Variants in PLCB3 observed in about 807,000 individuals in gnomAD.
PLCB3 encodes the protein 1-phosphatidylinositol 4,5-bisphosphate phosphodiesterase beta-3.
Under a neutral mutation model 152.1 loss-of-function variants are expected in PLCB3, and 54 were observed. The observed-to-expected ratio is 0.36, with a 90% CI of 0.29 to 0.45. PLCB3 has a LOEUF of 0.45. PLCB3 is among the 20% of genes least tolerant of loss of function. The probability of loss-of-function intolerance (pLI) is 1.00; values close to 1 mark genes in which losing one functional copy is unlikely to be tolerated. For missense variants in PLCB3, 1,248 were observed against 1,687.5 expected (o/e 0.74, Z 4.56); for synonymous variants, 717 against 698.7 (o/e 1.03, Z -0.41).
rs778833109 is a variant in PLCB3 at position 64,264,017 on chromosome 11, C to T, written c.2561-4C>T. 2 of 1,570,632 alleles carry T rather than the reference C, an allele frequency of 1.3e-6. No homozygotes were observed. The highest frequency in any genetic ancestry group is 1.9e-5 in the Admixed American group (1 of 52,944). ...TGAGACCTTGGCCTTCTGCCTCCCC[C>T]CAGACTATGCGGAGGCCCTGATCAA... On this transcript the variant is annotated splice_polypyrimidine_tract_variant and splice_region_variant and intron_variant, in intron 21 of 30. Coordinates refer to ENST00000279230, the MANE Select transcript of PLCB3 (RefSeq NM_000932.5).
Position 64,265,212 on chromosome 11 carries a change from G to A in PLCB3, c.2827G>A (p.Ala943Thr), listed in dbSNP as rs1238246666. The change falls in exon 24 of 31, where the codon GCC (alanine) becomes ACC (threonine). Residue 943 changes from alanine to threonine, a missense_variant. Physicochemically the swap from Ala to Thr is moderately conservative, Grantham distance 58. This residue lies in a region of PLCB3 where 477 missense variants were observed against 489.6 expected (regional missense o/e 0.97). Transcript: ENST00000279230. The stretch of plus-strand genomic sequence containing the variant: ...CCCAGGGCAGCGTGATGATCTCATC[G>A]CCAGCATCCTCTCAGGTAGGGGGCG... Reference protein sequence around the residue: ...SSPGQRDDLIASILSEVAPTP... With the variant: ...SSPGQRDDLITSILSEVAPTP... 1.3e-6 allele frequency: 2 copies of A among 1,599,588 alleles called. No homozygotes were observed. Among genetic ancestry groups the A allele is most frequent in the African/African-American group, 1.3e-5 (1 of 74,694 alleles).
intron 19 of PLCB3, 152 bp downstream of exon 19, chr11:64,262,960 G>A (rs1227304323): frequency 4.0e-6 from 3 of 746,636 alleles, no homozygotes; most frequent in East Asian, 2.7e-5. Context: ...CTGCCTGTCC[G>A]AGCGTCAGTC....
At position 64,265,900 on chromosome 11, in the gene PLCB3, A is replaced by G. The variant is rs1222486691; in HGVS notation, c.3050A>G (p.Asp1017Gly). ...TCTCCTCGCAGAGGTGGGGCCGCTG[A>G]TGTGGAGGACACGAAGGAGGGGGAG... ...LRPGALGGAADVEDTKEGEDE... is the reference protein window; with the variant it reads ...LRPGALGGAAGVEDTKEGEDE... Residue 1017 changes from aspartate (D) to glycine (G), a missense_variant, in exon 26 of 31, where the codon GAT (aspartate) becomes GGT (glycine). Coordinates refer to ENST00000279230, the MANE Select transcript of PLCB3 (RefSeq NM_000932.5). The G allele has an allele frequency of 1.2e-6, 2 of 1,612,948 alleles. No homozygotes were observed. Among genetic ancestry groups the G allele is most frequent in the South Asian group, 2.2e-5 (2 of 91,020 alleles).
Position 64,265,123 on chromosome 11 carries a change from C to A in PLCB3, c.2806+19C>A. The A allele has an allele frequency of 6.7e-7, 1 of 1,500,782 alleles. No homozygotes were observed. The highest frequency in any genetic ancestry group is 9.0e-7 in the Non-Finnish European group (1 of 1,115,258). 93.0% of individuals were successfully genotyped at this position (1,500,782 alleles called of 1,614,324 possible). ...AGCCCAGGTAAGGAGTGGCCTGGGTCGGGGGTGGGCTGCAGGGAGGCACCC... is the reference window on the plus strand; with the variant it reads ...AGCCCAGGTAAGGAGTGGCCTGGGTAGGGGGTGGGCTGCAGGGAGGCACCC... On this transcript the variant is annotated intron_variant, in intron 23 of 30. Transcript: ENST00000279230.
rs771872374 is a variant in PLCB3 at position 64,257,016 on chromosome 11, T to TTTTTTTTTTTTTTTTTTTTTTTTTC, written c.1012+257_1012+258insTTTTTTTTTTTTTTTTTTTCTTTTT. Among the ~76,000 whole-genome samples, 33 of 120,678 alleles carry TTTTTTTTTTTTTTTTTTTTTTTTTC rather than the reference T, an allele frequency of 2.7e-4. 1 individual carries two copies. The highest frequency in any genetic ancestry group is 1.2e-3 in the East Asian group (5 of 4,222). The allele number at this position is 120,678 out of a possible 152,430, so 79.2% of individuals were successfully genotyped here. On this transcript the variant is annotated intron_variant, in intron 10 of 30. Coordinates refer to ENST00000279230, the MANE Select transcript of PLCB3 (RefSeq NM_000932.5). ...AGGGTCCTTTTTTTTTTTTTTTTTT[T>TTTTTTTTTTTTTTTTTTTTTTTTTC]TTTTTGAGACAGAGTTTCGCTCTTG...
In PLCB3 at chr11:64,262,268, G is replaced by C. The variant is rs2031890075; in HGVS notation, c.2039-139G>C. On this transcript the variant is annotated intron_variant, in intron 17 of 30. Coordinates refer to ENST00000279230, the MANE Select transcript of PLCB3 (RefSeq NM_000932.5). ...ACCCCTCCCCTGTCTGATCTGTCCT[G>C]GATCCGGACCCTGATGCCATTTGAG... The C allele has an allele frequency of 8.5e-6, 11 of 1,295,880 alleles. No homozygotes were observed. In the East Asian group the frequency reaches 2.6e-4, roughly 30 times the overall value. The allele number at this position is 1,295,880 out of a possible 1,614,324, so 80.3% of individuals were successfully genotyped here. A position where few individuals can be genotyped will look rare whatever the true frequency, so the allele number is the denominator to read the frequency against.
In PLCB3 at chr11:64,255,091, C is replaced by T. The variant is rs2031447953; in HGVS notation, c.387+53C>T. The T allele has an allele frequency of 5.7e-6, 9 of 1,570,364 alleles. No individual in the cohort carries two copies. Among genetic ancestry groups the T allele is most frequent in the Non-Finnish European group, 7.8e-6 (9 of 1,148,796 alleles). Reference sequence around the variant, plus strand: ...GGAGTCACTGTCTTATTCTGTGAGTCGGCCGTCACTTACCGAACACCTGCT... The same window carrying T: ...GGAGTCACTGTCTTATTCTGTGAGTTGGCCGTCACTTACCGAACACCTGCT... On this transcript the variant is annotated intron_variant, in intron 4 of 30. Transcript: ENST00000279230. This position sits in a 1 kb window ranked among gnomAD's most constrained non-coding sequence, Gnocchi z 6.8.
chr11:64,257,498 T>C (rs2031602901), intron 10 of PLCB3, among the ~76,000 whole-genome samples: 1 of 151,998 alleles, frequency 6.6e-6, no homozygotes, highest in Non-Finnish European at 1.5e-5. Flanking sequence ...ATGCCTGTGG[T>C]CCTAGCTGCT....
In PLCB3 at chr11:64,265,512, T is replaced by C. The variant is rs749711076; in HGVS notation, c.3035+10T>C. 64 of 1,590,156 alleles carry C rather than the reference T, an allele frequency of 4.0e-5. No individual in the cohort carries two copies. The highest frequency in any genetic ancestry group is 1.9e-4 in the Middle Eastern group (1 of 5,342). On this transcript the variant is annotated intron_variant, in intron 25 of 30. Transcript: ENST00000279230. ...TGCGGCCAGGTGCCCTGTGAGTGTC[T>C]GGGCCGCCTGTGTGCTATGTGTGCT... is the stretch of plus-strand genomic sequence containing the variant.
rs1472620996 is a variant in PLCB3, at chr11:64,262,142, T to C, written c.2038+66T>C. Reference sequence around the variant, plus strand: ...CTTACTGACTTCTGACCCACGATCCTGCTGGTCTTGCCTGAATGGACCTCT... The same window carrying C: ...CTTACTGACTTCTGACCCACGATCCCGCTGGTCTTGCCTGAATGGACCTCT... On this transcript the variant is annotated intron_variant, in intron 17 of 30. Transcript: ENST00000279230. 32 of 1,599,920 alleles carry C rather than the reference T, an allele frequency of 2.0e-5. No individual in the cohort carries two copies. In the East Asian group the frequency reaches 2.0e-4, roughly 10 times the overall value.
intron 22 of PLCB3, 107 bp from the exon 23 acceptor site, chr11:64,264,844 C>T (rs1300953869): frequency 9.7e-7 from 1 of 1,036,150 alleles, no homozygotes; most frequent in South Asian, 1.3e-5. Flanking sequence ...GTGGCTTGGA[C>T]TAAGGGAGGC....
intron 14 of PLCB3, 72 bp downstream of exon 14, chr11:64,260,306 C>CA: frequency 9.1e-7 from 1 of 1,103,714 alleles, no homozygotes; most frequent in Non-Finnish European, 1.3e-6. Context: ...GTCTGACCAT[C>CA]AACAAGACTG....
At position 64,254,492 on chromosome 11, in the gene PLCB3, G is replaced by A; in HGVS notation, c.177G>A (p.Met59Ile). 1 of 1,613,376 alleles carries A rather than the reference G, an allele frequency of 6.2e-7. No individual in the cohort carries two copies. Reference sequence around the variant, plus strand: ...TCTTGTACTGGACGGGCCCCAACATGGTGAGGGTGGGCGCTGGTGCAGCTC... The same window carrying A: ...TCTTGTACTGGACGGGCCCCAACATAGTGAGGGTGGGCGCTGGTGCAGCTC... ...GFFLYWTGPNMEVDTLDISSI... is the reference protein window; with the variant it reads ...GFFLYWTGPNIEVDTLDISSI... Residue 59 changes from methionine to isoleucine, a missense_variant and splice_region_variant, in exon 2 of 31, where the codon ATG becomes ATA. Around this residue, in one of 6 missense-constraint regions of PLCB3, gnomAD observed 299 missense variants for 434.7 expected, o/e 0.69. Coordinates refer to ENST00000279230, the MANE Select transcript of PLCB3 (RefSeq NM_000932.5).
Position 64,265,947 on chromosome 11 carries a change from G to A in PLCB3, c.3097G>A (p.Glu1033Lys), listed in dbSNP as rs778078363. The stretch of plus-strand genomic sequence containing the variant: ...GGAGGACGAGGCAAAGCGGTATCAG[G>A]AGTTCCAGAACAGACAGGTGCAGAG... ...EGEDEAKRYQ[E>K]FQNRQVQSLL... The change falls in exon 26 of 31, where the codon GAG (glutamate) becomes AAG (lysine). Residue 1033 changes from glutamate to lysine, a missense_variant. By Grantham distance (56) the Glu-to-Lys change is moderately conservative. Around this residue, in one of 6 missense-constraint regions of PLCB3, gnomAD observed 477 missense variants for 489.6 expected, o/e 0.97. Coordinates refer to ENST00000279230, the MANE Select transcript of PLCB3 (RefSeq NM_000932.5). 1 of 1,613,936 alleles carries A rather than the reference G, an allele frequency of 6.2e-7. No homozygotes were observed. The highest frequency in any genetic ancestry group is 1.3e-5 in the African/African-American group (1 of 75,060).
At chr11:64,251,958 C>T (rs2031229095) in intron 1 of PLCB3, among the ~76,000 whole-genome samples, 1 of 152,004 alleles carries the variant, frequency 6.6e-6, no homozygotes, top group African/African-American at 2.4e-5. Flanking sequence ...GGAAAATTTG[C>T]CTCCACTCCT....
rs886953063 is a variant in PLCB3, at chr11:64,261,330, TG to T, written c.1732-64del. On this transcript the variant is annotated intron_variant, in intron 14 of 30. Coordinates refer to ENST00000279230, the MANE Select transcript of PLCB3 (RefSeq NM_000932.5). The stretch of plus-strand genomic sequence containing the variant: ...GGGAAGAGGGTCAGCACCTCCTTCA[TG>T]GGGGGCAGGTGAGGGAATGGCCAGC... 148 of 1,100,056 alleles carry T rather than the reference TG, an allele frequency of 1.3e-4. 2 individuals are homozygous for T. The highest frequency in any genetic ancestry group is 1.6e-4 in the Non-Finnish European group (117 of 712,860). The allele number at this position is 1,100,056 out of a possible 1,614,324, so 68.1% of individuals were successfully genotyped here. A position where few individuals can be genotyped will look rare whatever the true frequency, so the allele number is the denominator to read the frequency against.
At chr11:64,253,505 A>G (rs2031347230) in intron 1 of PLCB3, among the ~76,000 whole-genome samples, 1 of 152,174 alleles carries the variant, frequency 6.6e-6, no homozygotes, top group Admixed American at 6.5e-5. Context: ...AGACACTGAG[A>G]TGCATTTTGG....
Position 64,266,081 on chromosome 11 carries a change from C to T in PLCB3, c.3189+42C>T, listed in dbSNP as rs2135067701. On this transcript the variant is annotated intron_variant, in intron 26 of 30. Transcript: ENST00000279230. This position sits in a 1 kb window ranked among gnomAD's most constrained non-coding sequence, Gnocchi z 4.9. ...GGCCAGGGAAAGCCTGCTGGATAGA[C>T]CCGTCGTCAGCCCGGCATCACCTGT... is the stretch of plus-strand genomic sequence containing the variant. The T allele has an allele frequency of 6.2e-7, 1 of 1,613,882 alleles. No individual in the cohort carries two copies. The highest frequency in any genetic ancestry group is 8.5e-7 in the Non-Finnish European group (1 of 1,179,896).
At chr11:64,257,172 T>C (rs1213810458) in intron 10 of PLCB3, among the ~76,000 whole-genome samples, 2 of 151,960 alleles carry the variant, frequency 1.3e-5, no homozygotes, top group Admixed American at 6.6e-5. Context: ...GCCCGGCTAA[T>C]TTTGTATTTT....
Sources: gnomAD v4.1 joint callset for allele counts (sites outside exome capture counted in the v4.1 genomes callset) on GRCh38, gnomAD v4.1.1 for gene constraint, gnomAD v4.1.1 regional missense constraint, Gnocchi (gnomAD v3.1) non-coding constraint, MANE v1.5 for transcripts, NCBI Gene and HGNC (gene_info 2026-07-23, HGNC 2026-07-21) for gene names.